ACACA: variants seen among roughly 807,000 people sequenced by gnomAD.
ACACA encodes the protein acetyl-CoA carboxylase 1.
A neutral mutation model predicts 296.1 loss-of-function variants in ACACA; 103 were observed. The ratio of observed to expected loss-of-function variants is 0.35; its 90% CI spans 0.30 to 0.41. ACACA has a LOEUF of 0.41. ACACA is among the 10% of genes least tolerant of loss of function. The pLI is 1.00. For missense variants in ACACA, 1,554 were observed against 2,989.7 expected, an observed-to-expected ratio of 0.52 and a Z score of 11.20; for synonymous variants, 953 against 1,038.6, an observed-to-expected ratio of 0.92 and a Z score of 1.58.
chr17:37,278,037 A>G (rs758071362), intron 5 of ACACA, 32 bp from the exon 6 acceptor site: 1 of 1,539,478 alleles, frequency 6.5e-7, no homozygotes, highest in Non-Finnish European at 9.0e-7. Flanking sequence ...TAGAGAACAC[A>G]TGATTTTTTT....
chr17:37,302,856 C>A (rs1272844974), intron 3 of ACACA, among the ~76,000 whole-genome samples: 1 of 152,158 alleles, frequency 6.6e-6, no homozygotes, highest in Non-Finnish European at 1.5e-5. Context: ...AATTCACACA[C>A]CATACATTTC....
chr17:37,129,219 G>A (rs1478511143), intron 47 of ACACA, 146 bp downstream of exon 47: 2 of 1,080,772 alleles, frequency 1.9e-6, no homozygotes, highest in South Asian at 1.4e-5. Context: ...TTTCTTCAGA[G>A]GGCTGGTTTT....
chr17:37,170,749 A>G (rs1198373643), intron 41 of ACACA, among the ~76,000 whole-genome samples: 1 of 152,242 alleles, frequency 6.6e-6, no homozygotes, highest in Non-Finnish European at 1.5e-5. Context: ...CAAAGTGTCA[A>G]CACTAATCAT....
chr17:37,404,867 C>T (rs574748211), intron 1 of ACACA, among the ~76,000 whole-genome samples: 2 of 152,170 alleles, frequency 1.3e-5, no homozygotes, highest in South Asian at 2.1e-4. Context: ...TGTGAGCCAC[C>T]GCTCCCAGCC....
At chr17:37,386,506 C>A (rs936092697) in intron 1 of ACACA, among the ~76,000 whole-genome samples, 1 of 152,080 alleles carries the variant, frequency 6.6e-6, no homozygotes, top group Non-Finnish European at 1.5e-5. Context: ...AAAGAAGAAT[C>A]GCTTGAACCC....
In ACACA at chr17:37,406,699, C is replaced by T; in HGVS notation, c.-400G>A. ...CTGGTCGGATCAAAAGTCAGGCAAGCGGCTCAGCCCCATCCTCCCAGTCCT... is the reference window on the plus strand; with the variant it reads ...CTGGTCGGATCAAAAGTCAGGCAAGTGGCTCAGCCCCATCCTCCCAGTCCT... On this transcript the variant is annotated 5_prime_UTR_variant, in exon 1 of 56. Coordinates refer to ENST00000616317, the MANE Select transcript of ACACA (RefSeq NM_198834.3). 1 of 309,710 alleles carries T rather than the reference C, an allele frequency of 3.2e-6. No homozygotes were observed. The highest frequency in any genetic ancestry group is 3.4e-5 in the South Asian group (1 of 29,580). The allele number at this position is 309,710 out of a possible 1,614,324, so 19.2% of individuals were successfully genotyped here. A position where few individuals can be genotyped will look rare whatever the true frequency, so the allele number is the denominator to read the frequency against.
chr17:37,389,333 G>A (rs1263742399), intron 1 of ACACA: 1 of 1,592,532 alleles, frequency 6.3e-7, no homozygotes, highest in South Asian at 1.1e-5. Flanking sequence ...TGGGACAGCT[G>A]AATCCAAGCC....
chr17:37,163,928 T>C (rs1033796346), intron 41 of ACACA, among the ~76,000 whole-genome samples: 1 of 152,178 alleles, frequency 6.6e-6, no homozygotes, highest in Non-Finnish European at 1.5e-5. Flanking sequence ...CTTCTACTTG[T>C]ATATTTGCTA....
intron 1 of ACACA, among the ~76,000 whole-genome samples, chr17:37,348,557 T>C (rs183459684): frequency 7.2e-5 from 11 of 152,250 alleles, no homozygotes; most frequent in African/African-American, 2.6e-4. Context: ...TTATTTTCAA[T>C]CTAGAATTTT....
chr17:37,297,389 C>T (rs899254150), intron 3 of ACACA, among the ~76,000 whole-genome samples: 1 of 145,428 alleles, frequency 6.9e-6, no homozygotes, highest in African/African-American at 2.6e-5. Flanking sequence ...TGTGGTGAGC[C>T]AAGATCGCGC....
At chr17:37,269,725 A>C (rs149863065) in intron 10 of ACACA, among the ~76,000 whole-genome samples, 150 of 151,306 alleles carry the variant, frequency 9.9e-4, no homozygotes, top group African/African-American at 3.6e-3. Flanking sequence ...TTAACTCTTA[A>C]CAGTGAAGCA....
intron 21 of ACACA, among the ~76,000 whole-genome samples, chr17:37,243,963 C>T (rs905039549): frequency 1.3e-5 from 2 of 152,190 alleles, no homozygotes; most frequent in South Asian, 2.1e-4. Flanking sequence ...ATCTTTCCAT[C>T]TCAGCTTCCC....
chr17:37,378,012 A>T, intron 1 of ACACA: 3 of 1,542,702 alleles, frequency 1.9e-6, no homozygotes, highest in Non-Finnish European at 2.7e-6. Context: ...ATTCCAAAAA[A>T]TTTTTACCTT....
At chr17:37,325,753 T>C (rs1225630351) in intron 3 of ACACA, among the ~76,000 whole-genome samples, 1 of 151,916 alleles carries the variant, frequency 6.6e-6, no homozygotes, top group Admixed American at 6.6e-5. Context: ...TTTGTATTTT[T>C]AGTAGAGATG....
intron 41 of ACACA, among the ~76,000 whole-genome samples, chr17:37,166,090 G>A (rs964091526): frequency 1.3e-5 from 2 of 151,960 alleles, no homozygotes; most frequent in African/African-American, 4.8e-5. Flanking sequence ...ACATAGTCTG[G>A]GAGTAATAAA....
At chr17:37,095,000 G>A (rs1233072751) in intron 54 of ACACA, among the ~76,000 whole-genome samples, 2 of 152,252 alleles carry the variant, frequency 1.3e-5, no homozygotes, top group African/African-American at 4.8e-5. Flanking sequence ...ATAAGAGACG[G>A]CAGTGACCTA....
At chr17:37,258,609 C>A (rs1373757835) in intron 12 of ACACA, among the ~76,000 whole-genome samples, 2 of 152,168 alleles carry the variant, frequency 1.3e-5, no homozygotes, top group African/African-American at 4.8e-5. Flanking sequence ...CCTAATGCAA[C>A]AGACACCAGT....
intron 1 of ACACA, chr17:37,386,923 TCCC>T (rs34293894): frequency 0.11 from 17,249 of 151,988 alleles, 1,163 homozygotes; most frequent in East Asian, 0.23. Context: ...GCTCAAGTGA[TCCC>T]CCCACCTCAG....
At chr17:37,193,337 A>AT (rs35977079) in intron 36 of ACACA, 37 bp downstream of exon 36, 15,059 of 1,257,336 alleles carry the variant, frequency 0.012, 152 homozygotes, top group African/African-American at 0.08. Context: ...AGAAAAAGTA[A>AT]TTTTTTTTTT....
Sources: allele counts gnomAD v4.1 joint callset (sites outside exome capture counted in the v4.1 genomes callset), GRCh38; gene constraint gnomAD v4.1.1; transcripts MANE v1.5; gene names NCBI Gene and HGNC (gene_info 2026-07-23, HGNC 2026-07-21).